The following UNC13C variants were observed in gnomAD, a reference collection of about 807,000 sequenced individuals.
The protein encoded by UNC13C is unc-13 homolog C, also known as protein unc-13 homolog C.
A neutral mutation model predicts 245.4 loss-of-function variants in UNC13C; 174 were observed. The ratio of observed to expected loss-of-function variants is 0.71; its 90% confidence interval spans 0.63 to 0.80. The LOEUF (loss-of-function observed/expected upper bound fraction) is 0.80, where lower values mean the gene tolerates loss of function less well. UNC13C is among the 30% of genes least tolerant of loss of function. UNC13C has a pLI of 0.00. For missense variants in UNC13C, 2,829 were observed against 2,602.9 expected (o/e 1.09, Z -1.89); for synonymous variants, 992 against 895.1 (o/e 1.11, Z -1.93).
intron 30 of UNC13C, among the ~76,000 whole-genome samples, chr15:54,589,012 G>C (rs559198025): frequency 6.6e-6 from 1 of 152,134 alleles, no homozygotes; most frequent in African/African-American, 2.4e-5. Flanking sequence ...TAGTGAGATT[G>C]CTGGATCAAA....
At chr15:54,090,423 A>C (rs938972925) in intron 2 of UNC13C, among the ~76,000 whole-genome samples, 3 of 152,202 alleles carry the variant, frequency 2.0e-5, no homozygotes, top group African/African-American at 7.2e-5. Context: ...TAATCATGCT[A>C]CTAAATACTT....
At chr15:53,986,911 A>T (rs975532070) in intron 1 of UNC13C, among the ~76,000 whole-genome samples, 4 of 152,056 alleles carry the variant, frequency 2.6e-5, no homozygotes, top group South Asian at 2.1e-4. Flanking sequence ...ACACTCTGAG[A>T]TCCTATTTAT....
intron 30 of UNC13C, among the ~76,000 whole-genome samples, chr15:54,605,845 C>T (rs1023485236): frequency 5.3e-5 from 8 of 152,252 alleles, no homozygotes; most frequent in Middle Eastern, 3.4e-3. Context: ...ATTTTCTCTC[C>T]GTATAAACAT....
the UNC13C span, among the ~76,000 whole-genome samples, chr15:53,874,825 G>A: frequency 2.0e-5 from 3 of 152,196 alleles, no homozygotes; most frequent in East Asian, 1.9e-4. Context: ...GCTAGGCGCG[G>A]TGGCTCACGC....
intron 29 of UNC13C, among the ~76,000 whole-genome samples, chr15:54,567,580 C>T (rs1019059620): frequency 1.3e-5 from 2 of 152,126 alleles, no homozygotes; most frequent in African/African-American, 4.8e-5. Flanking sequence ...CTTAGGCCTT[C>T]TGGGATATGA....
At chr15:54,598,101 G>T (rs1332886713) in intron 30 of UNC13C, among the ~76,000 whole-genome samples, 1 of 152,116 alleles carries the variant, frequency 6.6e-6, no homozygotes, top group Admixed American at 6.5e-5. Flanking sequence ...AACCTCTAAG[G>T]TCCTTTATTT....
intron 13 of UNC13C, among the ~76,000 whole-genome samples, chr15:54,301,997 G>A (rs2037597077): frequency 1.3e-5 from 2 of 152,044 alleles, no homozygotes; most frequent in Non-Finnish European, 2.9e-5. Context: ...GGCATGTGAT[G>A]GTATGTGATT....
rs538330778 is a variant in UNC13C at position 54,386,063 on chromosome 15, A to G, written c.4714-6985A>G. Among the ~76,000 whole-genome samples, 5 of 152,250 alleles carry G rather than the reference A, an allele frequency of 3.3e-5. No individual in the cohort carries two copies. In the East Asian group the frequency reaches 9.6e-4, roughly 29 times the overall value. On this transcript the variant is annotated intron_variant, in intron 17 of 32. Transcript: ENST00000260323. ...CTTCTCATTCAAGATATATAACACA[A>G]AATAAAAGTTAGCTCCATATTATTA...
At chr15:54,352,151 C>G (rs942583815) in intron 17 of UNC13C, among the ~76,000 whole-genome samples, 1 of 151,444 alleles carries the variant, frequency 6.6e-6, no homozygotes, top group East Asian at 1.9e-4. Context: ...AAAATTCTCT[C>G]TATATGGTTA....
chr15:54,000,244 G>A (rs1371604319), intron 1 of UNC13C, among the ~76,000 whole-genome samples: 3 of 152,062 alleles, frequency 2.0e-5, no homozygotes, highest in African/African-American at 7.2e-5. Context: ...ATAATAAAAA[G>A]AGTCAATTTC....
At chr15:54,578,722 C>T (rs992330701) in intron 30 of UNC13C, among the ~76,000 whole-genome samples, 3 of 152,202 alleles carry the variant, frequency 2.0e-5, no homozygotes, top group Non-Finnish European at 4.4e-5. Flanking sequence ...AGCACCATGG[C>T]TCACGCCTGT....
At chr15:54,042,327 G>A (rs565846779) in intron 2 of UNC13C, among the ~76,000 whole-genome samples, 1 of 152,158 alleles carries the variant, frequency 6.6e-6, no homozygotes, top group Non-Finnish European at 1.5e-5. Context: ...GAAAATGTGA[G>A]TCCGTAGGGA....
At chr15:54,449,241 C>T (rs989728726) in intron 19 of UNC13C, among the ~76,000 whole-genome samples, 4 of 152,146 alleles carry the variant, frequency 2.6e-5, no homozygotes, top group Non-Finnish European at 5.9e-5. Flanking sequence ...GTGAATCTGA[C>T]AATTATGTGT....
chr15:54,038,140 T>TTTTTTTTTTTTTTTTTTC (rs1555406257), intron 2 of UNC13C, among the ~76,000 whole-genome samples: 1 of 127,582 alleles, frequency 7.8e-6, no homozygotes, highest in African/African-American at 3.2e-5. Flanking sequence ...TTTTTTTTTT[T>TTTTTTTTTTTTTTTTTTC]CCTGAGACAG....
At chr15:53,945,495 T>G in the UNC13C span, among the ~76,000 whole-genome samples, 1 of 152,164 alleles carries the variant, frequency 6.6e-6, no homozygotes, top group Admixed American at 6.5e-5. Context: ...ATTTATTAAG[T>G]GGGGGGTCCT....
At chr15:53,889,454 T>A in the UNC13C span, among the ~76,000 whole-genome samples, 1 of 152,204 alleles carries the variant, frequency 6.6e-6, no homozygotes, top group Non-Finnish European at 1.5e-5. Context: ...GATTTTGAGC[T>A]GAGACAATGG....
downstream of UNC13C, chr15:54,629,876 T>C (rs201366301): frequency 6.6e-6 from 1 of 152,086 alleles, no homozygotes; most frequent in Non-Finnish European, 1.5e-5. Flanking sequence ...AGTGGCAGGG[T>C]GAATTAAGTC....
intron 29 of UNC13C, among the ~76,000 whole-genome samples, chr15:54,564,591 A>G (rs1309584084): frequency 2.0e-5 from 3 of 151,992 alleles, no homozygotes; most frequent in African/African-American, 7.2e-5. Flanking sequence ...CAATATCTCA[A>G]TTATATGAAG....
At chr15:54,348,794 G>T (rs2038916731) in intron 17 of UNC13C, among the ~76,000 whole-genome samples, 1 of 152,118 alleles carries the variant, frequency 6.6e-6, no homozygotes, top group East Asian at 1.9e-4. Context: ...GTTAAAATGT[G>T]CCCTGAAATG....
Sources: gnomAD v4.1 joint callset for allele counts (sites outside exome capture counted in the v4.1 genomes callset) on GRCh38, gnomAD v4.1.1 for gene constraint, MANE v1.5 for transcripts, NCBI Gene and HGNC (gene_info 2026-07-23, HGNC 2026-07-21) for gene names.